Variants in NDE1 observed in about 807,000 individuals in gnomAD.
The protein encoded by NDE1 is nuclear distribution protein nudE homolog 1.
In NDE1, 28 loss-of-function variants were observed where a neutral mutation model predicts 43.4. The ratio of observed to expected loss-of-function variants is 0.65; its 90% CI spans 0.48 to 0.89. NDE1 has a LOEUF of 0.89. NDE1 is among the 40% of genes least tolerant of loss of function. The probability of loss-of-function intolerance (pLI) is 0.00; values close to 1 mark genes in which losing one functional copy is unlikely to be tolerated. For missense variants in NDE1, 441 were observed against 434.1 expected, an observed-to-expected ratio of 1.02 and a Z score of -0.14; for synonymous variants, 184 against 172.0, an observed-to-expected ratio of 1.07 and a Z score of -0.55.
At chr16:15,664,487 G>A (rs1399099470) in intron 1 of NDE1, among the ~76,000 whole-genome samples, 1 of 152,000 alleles carries the variant, frequency 6.6e-6, no homozygotes, top group African/African-American at 2.4e-5. Context: ...CTCCTGAGTA[G>A]CTGGGACTAC....
At chr16:15,699,635 T>C in intron 8 of NDE1, 1 of 1,273,876 alleles carries the variant, frequency 7.9e-7, no homozygotes, top group Non-Finnish European at 1.0e-6. Flanking sequence ...TGCTCCTGAC[T>C]CTTGATGTTC....
chr16:15,716,279 G>T (rs1028175513), intron 8 of NDE1, among the ~76,000 whole-genome samples: 1 of 152,040 alleles, frequency 6.6e-6, no homozygotes, highest in South Asian at 2.1e-4. Context: ...AATGACTGTG[G>T]TGATCGTTTT....
At chr16:15,709,877 C>G (rs114758869) in intron 8 of NDE1, among the ~76,000 whole-genome samples, 1,783 of 152,184 alleles carry the variant, frequency 0.012, 40 homozygotes, top group African/African-American at 0.041. Flanking sequence ...ACAGCTCTTG[C>G]CGGAGGTAAC....
intron 7 of NDE1, chr16:15,695,570 G>A: frequency 2.1e-5 from 21 of 984,980 alleles, no homozygotes; most frequent in Non-Finnish European, 2.4e-5. Flanking sequence ...TTAATTACAG[G>A]GAGGGATCCT....
At position 15,724,089 on chromosome 16, in the gene NDE1, G is replaced by A. The variant is rs373780837; in HGVS notation, c.948-102G>A. ...ATGCAGGCACAGGCCAGAGCCACGC[G>A]TCATACTCTGCAGAGCTGATTCCCC... is the stretch of plus-strand genomic sequence containing the variant. On this transcript the variant is annotated intron_variant, in intron 8 of 8. Transcript: ENST00000396354. 877 of 1,605,270 alleles carry A rather than the reference G, an allele frequency of 5.5e-4. 1 individual carries two copies. The highest frequency in any genetic ancestry group is 4.2e-4 in the Non-Finnish European group (499 of 1,179,450).
Position 15,725,148 on chromosome 16 carries a change from A to AACAC in NDE1, c.*909_*912dup. On this transcript the variant is annotated 3_prime_UTR_variant, in exon 9 of 9. Coordinates refer to ENST00000396354, the MANE Select transcript of NDE1 (RefSeq NM_017668.3). ...TGGGACTCTGATAAAAAAAAAAAAAAACACACACACACACAAAAAAAACAG... is the reference window on the plus strand; with the variant it reads ...TGGGACTCTGATAAAAAAAAAAAAAAACACACACACACACACACAAAAAAAACAG... The AACAC allele has an allele frequency of 3.3e-6, 2 of 608,184 alleles. No homozygotes were observed. The highest frequency in any genetic ancestry group is 5.7e-5 in the East Asian group (2 of 34,784). The allele number at this position is 608,184 out of a possible 1,614,324, so 37.7% of individuals were successfully genotyped here.
chr16:15,660,327 G>A (rs1490957059), intron 1 of NDE1, among the ~76,000 whole-genome samples: 2 of 151,924 alleles, frequency 1.3e-5, no homozygotes, highest in East Asian at 1.9e-4. Context: ...AAAAAAATTA[G>A]CTTGGCGTAG....
intron 8 of NDE1, chr16:15,708,988 G>A: frequency 1.1e-6 from 1 of 891,540 alleles, no homozygotes; most frequent in Non-Finnish European, 1.8e-6. Context: ...TGTCACCCAG[G>A]CTGGAGTGCA....
chr16:15,718,774 C>T (rs898367894), intron 8 of NDE1: 1 of 445,926 alleles, frequency 2.2e-6, no homozygotes, highest in African/African-American at 2.0e-5. Context: ...TGACGGAAAA[C>T]CTAACCACCA....
At chr16:15,723,165 C>T (rs1332594465) in intron 8 of NDE1, among the ~76,000 whole-genome samples, 3 of 152,100 alleles carry the variant, frequency 2.0e-5, no homozygotes, top group Non-Finnish European at 2.9e-5. Flanking sequence ...CTCCATTTAT[C>T]GTACAATTAA....
intron 3 of NDE1, among the ~76,000 whole-genome samples, chr16:15,669,280 G>A (rs887432004): frequency 2.7e-5 from 4 of 150,462 alleles, no homozygotes; most frequent in Non-Finnish European, 4.4e-5. Flanking sequence ...TGCAACCTCC[G>A]CCTCCCAGGT....
Position 15,724,587 on chromosome 16 carries a change from GA to G in NDE1, c.*337del, listed in dbSNP as rs887034625. The G allele has an allele frequency of 3.1e-6, 5 of 1,610,772 alleles. No homozygotes were observed. In the African/African-American group the frequency reaches 6.7e-5, roughly 22 times the overall value. On this transcript the variant is annotated 3_prime_UTR_variant, in exon 9 of 9. Coordinates refer to ENST00000396354, the MANE Select transcript of NDE1 (RefSeq NM_017668.3). ...ACTCCACCGCGATCTGCCTGCGGGG[GA>G]TCTCAGCGCAGAGAAGTTGAGAGGA...
In NDE1 at chr16:15,719,159, G is replaced by A. The variant is rs184027981; in HGVS notation, c.948-5032G>A. 2.4e-5 allele frequency: 37 copies of A among 1,512,500 alleles called. No individual in the cohort carries two copies. In the African/African-American group the frequency reaches 4.5e-4, roughly 18 times the overall value. 93.7% of individuals were successfully genotyped at this position (1,512,500 alleles called of 1,614,324 possible). The stretch of plus-strand genomic sequence containing the variant: ...ATTTAAAAAATAAAATGGGGGTCGA[G>A]GATGCTGCCTGTCCCCCCATCCTCT... On this transcript the variant is annotated intron_variant, in intron 8 of 8. Coordinates refer to ENST00000396354, the MANE Select transcript of NDE1 (RefSeq NM_017668.3).
intron 7 of NDE1, 94 bp from the exon 8 acceptor site, chr16:15,696,615 A>G (rs537461365): frequency 1.9e-6 from 3 of 1,604,190 alleles, no homozygotes; most frequent in East Asian, 2.2e-5. Flanking sequence ...CAGTTTGAGA[A>G]CCACTGTCTG....
In NDE1 at chr16:15,696,745, G is replaced by C. The variant is rs199730431; in HGVS notation, c.832G>C (p.Val278Leu). The change falls in exon 8 of 9, where the codon GTG becomes CTG. Residue 278 changes from valine (V) to leucine (L), a missense_variant. Transcript: ENST00000396354. ...CAAACTCGCTTCCTGCCGGAACCTC[G>C]TGTACGATCAGTCCCCAAACCGAAC... ...ESKLASCRNLVYDQSPNRTGG... is the reference protein window; with the variant it reads ...ESKLASCRNLLYDQSPNRTGG... The C allele has an allele frequency of 2.0e-5, 32 of 1,614,206 alleles. No individual in the cohort carries two copies. Among genetic ancestry groups the C allele is most frequent in the Non-Finnish European group, 2.4e-5 (28 of 1,180,044 alleles).
intron 8 of NDE1, 85 bp downstream of exon 8, chr16:15,696,945 TGTG>T: frequency 7.7e-6 from 12 of 1,567,312 alleles, no homozygotes; most frequent in Non-Finnish European, 1.0e-5. Flanking sequence ...CCCACAGCCA[TGTG>T]TCTTTTTAAA....
intron 2 of NDE1, among the ~76,000 whole-genome samples, chr16:15,666,528 G>A (rs2151440718): frequency 6.6e-6 from 1 of 152,254 alleles, no homozygotes; most frequent in South Asian, 2.1e-4. Flanking sequence ...AGAATTGCTT[G>A]AGCCTGGGAG....
At chr16:15,676,984 G>A (rs973393336) in intron 3 of NDE1, among the ~76,000 whole-genome samples, 4 of 152,096 alleles carry the variant, frequency 2.6e-5, no homozygotes, top group Non-Finnish European at 5.9e-5. Flanking sequence ...TGGACACCTT[G>A]GGTAGAATGA....
intron 8 of NDE1, among the ~76,000 whole-genome samples, chr16:15,716,794 G>T (rs547031072): frequency 4.6e-5 from 7 of 152,202 alleles, no homozygotes; most frequent in Non-Finnish European, 8.8e-5. Flanking sequence ...GATTACAGGC[G>T]TGAGCCACCA....
Sources: gnomAD v4.1 joint callset for allele counts (sites outside exome capture counted in the v4.1 genomes callset) on GRCh38, gnomAD v4.1.1 for gene constraint, MANE v1.5 for transcripts, NCBI Gene and HGNC (gene_info 2026-07-23, HGNC 2026-07-21) for gene names.